GNB5: variants seen among roughly 807,000 people sequenced by gnomAD.
GNB5 encodes the protein guanine nucleotide-binding protein subunit beta-5.
In GNB5, 37 loss-of-function variants were observed where a neutral mutation model predicts 55.3. That is an observed-to-expected ratio of 0.67 (90% CI 0.51 to 0.88). GNB5 has a LOEUF of 0.88. Ranked by LOEUF, GNB5 falls within the 40% of genes least tolerant of loss-of-function variation. The probability of loss-of-function intolerance (pLI) is 0.00; values close to 1 mark genes in which losing one functional copy is unlikely to be tolerated. For missense variants in GNB5, 476 were observed against 515.3 expected, an observed-to-expected ratio of 0.92 and a Z score of 0.74; for synonymous variants, 219 against 198.5, an observed-to-expected ratio of 1.10 and a Z score of -0.87.
At chr15:52,128,903 C>G (rs1223406538) in intron 9 of GNB5, 3 of 368,040 alleles carry the variant, frequency 8.2e-6, no homozygotes, top group African/African-American at 4.2e-5. Flanking sequence ...TCTTTAAACC[C>G]CTCCGCTCTG....
rs2034304237 is a variant in GNB5, at chr15:52,160,302, G to T, written c.239-6226C>A. ...GTCGCTGTTTTTTAGGAAAATGGCA[G>T]ACAATGACCCAATCCATGGGAGTGT... On this transcript the variant is annotated intron_variant, in intron 3 of 12. Transcript: ENST00000261837. Among the ~76,000 whole-genome samples the T allele has an allele frequency of 2.0e-5, 3 of 152,350 alleles. No homozygotes were observed. The South Asian group carries it at 6.2e-4, about 32-fold the overall frequency.
chr15:52,164,535 G>A (rs1005215185), intron 3 of GNB5, among the ~76,000 whole-genome samples: 2 of 152,036 alleles, frequency 1.3e-5, no homozygotes, highest in Non-Finnish European at 2.9e-5. Flanking sequence ...GACTGAGGCA[G>A]GAGAATGGCG....
intron 3 of GNB5, among the ~76,000 whole-genome samples, chr15:52,172,531 G>A (rs1269537900): frequency 1.3e-5 from 2 of 152,006 alleles, no homozygotes; most frequent in Non-Finnish European, 1.5e-5. Flanking sequence ...TGTAATCCCA[G>A]CACTTTGGGA....
At chr15:52,174,401 GATA>G (rs1443243785) in intron 3 of GNB5, among the ~76,000 whole-genome samples, 1 of 152,196 alleles carries the variant, frequency 6.6e-6, no homozygotes, top group Non-Finnish European at 1.5e-5. Context: ...TGTGGTAGAA[GATA>G]AGCAGAAAGT....
rs546443982 is a variant in GNB5, at chr15:52,120,408, G to A, written c.*2349C>T. 2.0e-5 allele frequency: 3 copies of A among 152,282 alleles called. No homozygotes were observed. Among genetic ancestry groups the A allele is most frequent in the Non-Finnish European group, 4.4e-5 (3 of 68,070 alleles). 9.4% of individuals were successfully genotyped at this position (152,282 alleles called of 1,614,324 possible). On this transcript the variant is annotated 3_prime_UTR_variant, in exon 13 of 13. Transcript: ENST00000261837. ...ATGCTCACAGCGAAGGAGGCTTCCT[G>A]CCCATGCGGGGAGTGGAAGCATTCT...
chr15:52,179,972 G>C, intron 2 of GNB5, 93 bp from the exon 3 acceptor site: 1 of 1,342,076 alleles, frequency 7.5e-7, no homozygotes, highest in Non-Finnish European at 9.5e-7. Flanking sequence ...CCGGCCCCGA[G>C]CACCGCCCCG....
intron 2 of GNB5, among the ~76,000 whole-genome samples, chr15:52,183,236 C>A (rs1358129599): frequency 6.6e-6 from 1 of 151,478 alleles, no homozygotes; most frequent in South Asian, 2.1e-4. Flanking sequence ...TAGGGAGAAC[C>A]TGTGTGCCAC....
chr15:52,187,658 T>A (rs538364380), intron 1 of GNB5, among the ~76,000 whole-genome samples: 2 of 152,208 alleles, frequency 1.3e-5, no homozygotes, highest in East Asian at 3.9e-4. Flanking sequence ...TATAAATAAC[T>A]GGAAACAGGG....
At position 52,117,114 on chromosome 15, in the gene GNB5, T is replaced by TTTTTTTTTTTTTTTTGG. The variant is rs1341100858; in HGVS notation, c.*5642_*5643insCCAAAAAAAAAAAAAAA. 1 of 85,594 alleles carries TTTTTTTTTTTTTTTTGG rather than the reference T, an allele frequency of 1.2e-5. No individual in the cohort carries two copies. Among genetic ancestry groups the TTTTTTTTTTTTTTTTGG allele is most frequent in the African/African-American group, 5.3e-5 (1 of 18,750 alleles). 5.3% of individuals were successfully genotyped at this position (85,594 alleles called of 1,614,324 possible). A position where few individuals can be genotyped will look rare whatever the true frequency, so the allele number is the denominator to read the frequency against. On this transcript the variant is annotated 3_prime_UTR_variant, in exon 13 of 13. Transcript: ENST00000261837. ...AATATATATATATATTTTTTTTTAG[T>TTTTTTTTTTTTTTTTGG]ACAGACAGGGTTTCACCGTGTTAGC...
chr15:52,137,393 A>G, intron 7 of GNB5: 1 of 1,031,924 alleles, frequency 9.7e-7, no homozygotes, highest in Non-Finnish European at 1.2e-6. Flanking sequence ...GGAAGGGGAG[A>G]GACAAACTCC....
At chr15:52,164,310 A>T (rs1195501790) in intron 3 of GNB5, among the ~76,000 whole-genome samples, 7 of 10,718 alleles carry the variant, frequency 6.5e-4, no homozygotes, top group East Asian at 0.031. Flanking sequence ...CTCTGTCTTA[A>T]AAAAAAAAAA....
intron 2 of GNB5, 31 bp downstream of exon 2, chr15:52,184,520 G>A: frequency 6.2e-7 from 1 of 1,602,062 alleles, no homozygotes; most frequent in Non-Finnish European, 8.6e-7. Flanking sequence ...TTTTAAGACA[G>A]ATAACTGAAT....
intron 12 of GNB5, chr15:52,123,543 CTTT>C (rs34912697): frequency 7.9e-5 from 11 of 140,098 alleles, no homozygotes; most frequent in Admixed American, 1.4e-4. Context: ...GAATGGGCTA[CTTT>C]TTTTTTTTTT....
rs1281265032 is a variant in GNB5, at chr15:52,157,093, T to G, written c.239-3017A>C. Among the ~76,000 whole-genome samples, 5 of 150,724 alleles carry G rather than the reference T, an allele frequency of 3.3e-5. 1 individual carries two copies. The South Asian group carries it at 6.3e-4, about 19-fold the overall frequency. The stretch of plus-strand genomic sequence containing the variant: ...TAGGACTACAGGCGCCCGCCACCAC[T>G]CCTGGCTAATTTTTTGTATTTTTAG... On this transcript the variant is annotated intron_variant, in intron 3 of 12. Transcript: ENST00000261837.
In GNB5 at chr15:52,118,854, G is replaced by GAGCAAAACTC. The variant is rs2033195142; in HGVS notation, c.*3893_*3902dup. On this transcript the variant is annotated 3_prime_UTR_variant, in exon 13 of 13. Coordinates refer to ENST00000261837, the MANE Select transcript of GNB5 (RefSeq NM_016194.4). ...CACTGCACTCCAGCCTGGGCAACAA[G>GAGCAAAACTC]AGCAAAACTCCACGTAAAAAAAAAA... The GAGCAAAACTC allele has an allele frequency of 8.9e-6, 1 of 112,470 alleles. No individual in the cohort carries two copies. Among genetic ancestry groups the GAGCAAAACTC allele is most frequent in the Non-Finnish European group, 1.7e-5 (1 of 58,644 alleles). The allele number at this position is 112,470 out of a possible 1,614,324, so 7.0% of individuals were successfully genotyped here. A position where few individuals can be genotyped will look rare whatever the true frequency, so the allele number is the denominator to read the frequency against.
chr15:52,153,702 A>T (rs2034147168), intron 4 of GNB5, among the ~76,000 whole-genome samples: 1 of 152,206 alleles, frequency 6.6e-6, no homozygotes, highest in Non-Finnish European at 1.5e-5. Context: ...AATTATTTTC[A>T]ATGGTTCATC....
intron 1 of GNB5, among the ~76,000 whole-genome samples, chr15:52,188,634 G>A (rs2034877973): frequency 6.6e-6 from 1 of 152,198 alleles, no homozygotes; most frequent in Admixed American, 6.5e-5. Context: ...AAGAAAGACA[G>A]AAATGCCCCA....
intron 12 of GNB5, chr15:52,123,663 C>A (rs540808757): frequency 1.3e-5 from 2 of 152,334 alleles, no homozygotes; most frequent in Non-Finnish European, 2.9e-5. Flanking sequence ...CAGCCTCAGC[C>A]TCCCGAGTAG....
intron 3 of GNB5, among the ~76,000 whole-genome samples, chr15:52,175,005 G>A (rs1054796958): frequency 9.2e-5 from 14 of 152,090 alleles, no homozygotes; most frequent in South Asian, 4.2e-4. Context: ...CCTGGAATGC[G>A]GAGGTTGCAG....
Sources: allele counts gnomAD v4.1 joint callset (sites outside exome capture counted in the v4.1 genomes callset), GRCh38; gene constraint gnomAD v4.1.1; transcripts MANE v1.5; gene names NCBI Gene and HGNC (gene_info 2026-07-23, HGNC 2026-07-21).